CPAMD8: variants seen among roughly 807,000 people sequenced by gnomAD.
CPAMD8 encodes C3 and PZP-like alpha-2-macroglobulin domain-containing protein 8.
In CPAMD8, 146 loss-of-function variants were observed where a neutral mutation model predicts 224.7. That is an observed-to-expected ratio of 0.65 (90% CI 0.57 to 0.75). The LOEUF (loss-of-function observed/expected upper bound fraction) is 0.75, where lower values mean the gene tolerates loss of function less well. CPAMD8 is among the 30% of genes least tolerant of loss of function. The pLI is 0.00. For missense variants in CPAMD8, 2,301 were observed against 2,537.5 expected, an observed-to-expected ratio of 0.91 and a Z score of 2.00; for synonymous variants, 966 against 1,044.6, an observed-to-expected ratio of 0.92 and a Z score of 1.45.
chr19:17,020,193 C>T (rs1053958685), intron 3 of CPAMD8, 138 bp downstream of exon 3: 40 of 677,344 alleles, frequency 5.9e-5, no homozygotes, highest in African/African-American at 3.7e-4. Context: ...AGGCTGATCT[C>T]GAACTCCTGA....
intron 19 of CPAMD8, 25 bp from the exon 20 acceptor site, chr19:16,952,225 T>C: frequency 7.5e-7 from 1 of 1,328,940 alleles, no homozygotes; most frequent in South Asian, 1.3e-5. Flanking sequence ...ACAGCCATGA[T>C]GGGGGGCCCT....
chr19:16,997,435 C>A, intron 10 of CPAMD8, 97 bp from the exon 11 acceptor site: 2 of 745,932 alleles, frequency 2.7e-6, no homozygotes, highest in Admixed American at 2.1e-5. Flanking sequence ...GACTCTTCAG[C>A]TGCTTGGAGG....
intron 19 of CPAMD8, among the ~76,000 whole-genome samples, chr19:16,955,574 C>T (rs1359300001): frequency 6.6e-6 from 1 of 152,132 alleles, no homozygotes; most frequent in Non-Finnish European, 1.5e-5. Flanking sequence ...GGCACAATAA[C>T]GTGAGTGTCC....
At chr19:16,948,888 G>GAAGGGAAGGGAGGGAAAGGA (rs1568515642) in intron 20 of CPAMD8, among the ~76,000 whole-genome samples, 2 of 64,298 alleles carry the variant, frequency 3.1e-5, no homozygotes, top group Non-Finnish European at 5.5e-5. Flanking sequence ...GAAGGGAAGG[G>GAAGGGAAGGGAGGGAAAGGA]AAGGGAAGGG....
chr19:17,013,779 G>T (rs1347397177), intron 3 of CPAMD8, among the ~76,000 whole-genome samples: 3 of 151,586 alleles, frequency 2.0e-5, no homozygotes, highest in Non-Finnish European at 4.4e-5. Flanking sequence ...ATATGTTTTA[G>T]AATGGTTAGA....
Position 16,919,362 on chromosome 19 carries a change from A to G in CPAMD8, c.3629+2543T>C, listed in dbSNP as rs539090399. ...AGCCGCCATGTTGTAAGAACACTCA[A>G]GTAGTCCCTATGGAGAAGTCCATGT... On this transcript the variant is annotated intron_variant, in intron 27 of 41. Coordinates refer to ENST00000443236, the MANE Select transcript of CPAMD8 (RefSeq NM_015692.5). Among the ~76,000 whole-genome samples, 4 of 152,338 alleles carry G rather than the reference A, an allele frequency of 2.6e-5. No homozygotes were observed. In the South Asian group the frequency reaches 6.2e-4, roughly 24 times the overall value.
chr19:17,025,957 G>T (rs1012664227), intron 1 of CPAMD8, among the ~76,000 whole-genome samples: 3 of 152,082 alleles, frequency 2.0e-5, no homozygotes, highest in Non-Finnish European at 2.9e-5. Flanking sequence ...GGACTAAAAG[G>T]CTGGTCTTGT....
At chr19:17,011,021 T>C (rs1196702132) in intron 5 of CPAMD8, among the ~76,000 whole-genome samples, 1 of 146,842 alleles carries the variant, frequency 6.8e-6, no homozygotes, top group East Asian at 2.0e-4. Context: ...AGACTCCATC[T>C]CAAAAAAAAA....
chr19:16,942,575 G>A (rs1315792431), intron 22 of CPAMD8, among the ~76,000 whole-genome samples: 1 of 152,250 alleles, frequency 6.6e-6, no homozygotes, highest in African/African-American at 2.4e-5. Context: ...GCCTCTGGCT[G>A]ACCATTGGCT....
intron 2 of CPAMD8, 63 bp from the exon 3 acceptor site, chr19:17,020,416 C>A: frequency 8.2e-7 from 1 of 1,216,632 alleles, no homozygotes; most frequent in Non-Finnish European, 1.2e-6. Context: ...CCTCCCTGAG[C>A]TGCAGCCTCA....
chr19:16,924,209 T>C (rs1319598885), intron 26 of CPAMD8, among the ~76,000 whole-genome samples: 1 of 151,350 alleles, frequency 6.6e-6, no homozygotes, highest in Non-Finnish European at 1.5e-5. Context: ...AGCCACCCGG[T>C]TTGTGGCATT....
intron 9 of CPAMD8, among the ~76,000 whole-genome samples, chr19:17,001,842 G>C (rs1382446528): frequency 6.6e-6 from 1 of 151,332 alleles, no homozygotes; most frequent in Admixed American, 6.6e-5. Context: ...AGGGAAAGGG[G>C]TACACTCCAG....
chr19:16,908,836 G>A (rs995528815), intron 29 of CPAMD8, among the ~76,000 whole-genome samples: 4 of 152,290 alleles, frequency 2.6e-5, no homozygotes, highest in Admixed American at 2.6e-4. Context: ...GCCCTCACAA[G>A]TCCATTGCCT....
chr19:16,972,439 ATT>A (rs879294580), intron 17 of CPAMD8, among the ~76,000 whole-genome samples: 1 of 147,088 alleles, frequency 6.8e-6, no homozygotes, highest in Non-Finnish European at 1.5e-5. Flanking sequence ...GTGAACAAGA[ATT>A]TTTTTTTTTT....
intron 12 of CPAMD8, 58 bp downstream of exon 12, chr19:16,993,358 G>T: frequency 6.7e-7 from 1 of 1,487,910 alleles, no homozygotes. Context: ...CCAGCCTGGG[G>T]GAGGCCCCAA....
intron 13 of CPAMD8, among the ~76,000 whole-genome samples, chr19:16,989,004 C>T (rs1001589326): frequency 2.6e-5 from 4 of 152,060 alleles, no homozygotes; most frequent in African/African-American, 9.7e-5. Context: ...GAATCTCATG[C>T]CTGATGATCT....
intron 17 of CPAMD8, among the ~76,000 whole-genome samples, chr19:16,971,384 TG>T (rs1474887486): frequency 6.6e-6 from 1 of 152,088 alleles, no homozygotes; most frequent in Non-Finnish European, 1.5e-5. Flanking sequence ...ACTCTGGGTT[TG>T]GTGGCACAGG....
In CPAMD8 at chr19:17,022,074, A is replaced by G. The variant is rs1234997224; in HGVS notation, c.200T>C (p.Val67Ala). The G allele has an allele frequency of 6.2e-7, 1 of 1,606,242 alleles. No individual in the cohort carries two copies. The highest frequency in any genetic ancestry group is 8.5e-7 in the Non-Finnish European group (1 of 1,176,668). ...CTGCACCACCGGCTCACCCTGGGCC[A>G]CCAGCTGAGCCTGGACCGTGACTTC... ...PREVTVQAQL[V>A]AQGEPVVQSQ... Residue 67 changes from valine to alanine, a missense_variant, in exon 2 of 42, where the codon GTG (valine) becomes GCG (alanine). Physicochemically the swap from Val to Ala is moderately conservative, Grantham distance 64 (BLOSUM62 0). Around this residue, in one of 4 missense-constraint regions of CPAMD8, gnomAD observed 283 missense variants for 340.6 expected, o/e 0.83. Coordinates refer to ENST00000443236, the MANE Select transcript of CPAMD8 (RefSeq NM_015692.5).
chr19:16,896,039 A>T, intron 41 of CPAMD8, 137 bp downstream of exon 41: 1 of 927,870 alleles, frequency 1.1e-6, no homozygotes, highest in Non-Finnish European at 1.7e-6. Flanking sequence ...TCTGACCCTG[A>T]GTCACTCCCA....
Sources: gnomAD v4.1 joint callset for allele counts (sites outside exome capture counted in the v4.1 genomes callset) on GRCh38, gnomAD v4.1.1 for gene constraint, gnomAD v4.1.1 regional missense constraint, MANE v1.5 for transcripts, NCBI Gene and HGNC (gene_info 2026-07-23, HGNC 2026-07-21) for gene names.